The following TAFA2 variants were observed in gnomAD, a reference collection of about 807,000 sequenced individuals.
The protein encoded by TAFA2 is TAFA chemokine like family member 2.
In TAFA2, 7 loss-of-function variants were observed where a neutral mutation model predicts 18.8. The ratio of observed to expected loss-of-function variants is 0.37; its 90% CI spans 0.21 to 0.70. TAFA2 has a LOEUF of 0.70. Among genes scored for constraint, TAFA2 ranks in the 30% least tolerant of loss-of-function variants. The pLI, the probability that TAFA2 is intolerant of heterozygous loss-of-function variation, is 0.53. For synonymous variants in TAFA2, 60 were observed against 54.2 expected (o/e 1.11, Z -0.47); for missense variants, 122 against 158.1 (o/e 0.77, Z 1.23).
chr12:62,184,910 A>G (rs1481269785), intron 1 of TAFA2, among the ~76,000 whole-genome samples: 1 of 152,138 alleles, frequency 6.6e-6, no homozygotes, highest in African/African-American at 2.4e-5. Flanking sequence ...ATGGTTATTT[A>G]TTGTTAGAGC....
chr12:61,843,724 A>G (rs1873286237), intron 2 of TAFA2, among the ~76,000 whole-genome samples: 1 of 152,150 alleles, frequency 6.6e-6, no homozygotes. Flanking sequence ...ATTCATATAT[A>G]CACACATAAA....
intron 1 of TAFA2, among the ~76,000 whole-genome samples, chr12:62,211,171 A>C (rs2062711561): frequency 6.6e-6 from 1 of 152,252 alleles, no homozygotes; most frequent in South Asian, 2.1e-4. Flanking sequence ...TAAAATAAAA[A>C]TGATGATACC....
chr12:61,830,987 G>C (rs1444357925), intron 2 of TAFA2, among the ~76,000 whole-genome samples: 3 of 151,780 alleles, frequency 2.0e-5, no homozygotes, highest in Admixed American at 1.3e-4. Context: ...ATTTTTTCTA[G>C]ATTTTACTTT....
At chr12:61,910,864 T>C (rs1565678234) in intron 1 of TAFA2, among the ~76,000 whole-genome samples, 2 of 152,224 alleles carry the variant, frequency 1.3e-5, no homozygotes, top group African/African-American at 2.4e-5. Flanking sequence ...CCGAACCATC[T>C]GTGTTTCTTC....
chr12:62,109,016 G>T (rs1869598110), intron 1 of TAFA2, among the ~76,000 whole-genome samples: 1 of 152,138 alleles, frequency 6.6e-6, no homozygotes, highest in Admixed American at 6.5e-5. Flanking sequence ...GGCTTTTGTT[G>T]CCATTGCTTT....
intron 4 of TAFA2, among the ~76,000 whole-genome samples, chr12:61,751,746 C>T (rs1199667755): frequency 6.6e-6 from 1 of 152,004 alleles, no homozygotes; most frequent in Non-Finnish European, 1.5e-5. Context: ...TTCTCAGTCT[C>T]TCATCCACCT....
intron 1 of TAFA2, among the ~76,000 whole-genome samples, chr12:61,964,686 AT>A (rs959482868): frequency 6.6e-6 from 1 of 151,814 alleles, no homozygotes; most frequent in African/African-American, 2.4e-5. Context: ...TTAAATCAAT[AT>A]TTAAAGAGCT....
intron 1 of TAFA2, among the ~76,000 whole-genome samples, chr12:61,941,361 A>T (rs1217217608): frequency 6.6e-6 from 1 of 152,240 alleles, no homozygotes; most frequent in Non-Finnish European, 1.5e-5. Flanking sequence ...ATTAGCTCAC[A>T]TAACTTTATT....
chr12:62,043,626 T>TA (rs903308712), intron 1 of TAFA2, among the ~76,000 whole-genome samples: 5 of 151,806 alleles, frequency 3.3e-5, no homozygotes, highest in Admixed American at 6.6e-5. Flanking sequence ...TAATAAAATT[T>TA]AAAAAAAAGA....
At chr12:61,793,316 A>T (rs1228865481) in intron 2 of TAFA2, among the ~76,000 whole-genome samples, 1 of 151,550 alleles carries the variant, frequency 6.6e-6, no homozygotes. Context: ...TAAAACCAAA[A>T]TATGATTCTT....
chr12:62,113,311 G>A (rs1287120759), intron 1 of TAFA2, among the ~76,000 whole-genome samples: 1 of 152,188 alleles, frequency 6.6e-6, no homozygotes, highest in Non-Finnish European at 1.5e-5. Context: ...ATCACCAGCA[G>A]AAGCTGCAGA....
chr12:61,739,585 C>A (rs1868365950), intron 4 of TAFA2, among the ~76,000 whole-genome samples: 1 of 151,984 alleles, frequency 6.6e-6, no homozygotes, highest in Admixed American at 6.6e-5. Flanking sequence ...TACGTAGGTA[C>A]AACGTGAATT....
At chr12:61,735,465 A>G (rs1427289412) in intron 4 of TAFA2, among the ~76,000 whole-genome samples, 1 of 152,074 alleles carries the variant, frequency 6.6e-6, no homozygotes, top group Non-Finnish European at 1.5e-5. Flanking sequence ...TATATACATT[A>G]CATAAAGATC....
At chr12:61,878,398 A>G (rs1158475989) in intron 1 of TAFA2, among the ~76,000 whole-genome samples, 1 of 152,226 alleles carries the variant, frequency 6.6e-6, no homozygotes, top group Admixed American at 6.5e-5. Flanking sequence ...GCTCTACCAT[A>G]TAACCTACAT....
intron 1 of TAFA2, among the ~76,000 whole-genome samples, chr12:62,033,993 G>C (rs944399279): frequency 1.3e-5 from 2 of 152,162 alleles, no homozygotes; most frequent in African/African-American, 4.8e-5. Context: ...ATTTCATGTG[G>C]TTCAATCTAA....
Position 62,127,284 on chromosome 12 carries a change from G to A in TAFA2, c.-2+63975C>T, listed in dbSNP as rs114764843. Among the ~76,000 whole-genome samples, 528 of 152,044 alleles carry A rather than the reference G, an allele frequency of 3.5e-3. 3 individuals are homozygous for A. The highest frequency in any genetic ancestry group is 0.012 in the African/African-American group (515 of 41,510). ...CAGAAGGAAGATTGCACCTTCCGAA[G>A]AATGATTCAATTGCACCCCACCCAC... On this transcript the variant is annotated intron_variant, in intron 1 of 4. Coordinates refer to ENST00000416284, the MANE Select transcript of TAFA2 (RefSeq NM_178539.5).
At chr12:61,785,704 A>G (rs959512135) in intron 2 of TAFA2, among the ~76,000 whole-genome samples, 3 of 151,502 alleles carry the variant, frequency 2.0e-5, no homozygotes, top group African/African-American at 7.3e-5. Context: ...TGACTCCTAC[A>G]TGTTGAATCT....
chr12:61,964,105 CTAAAACCA>C (rs1878987998), intron 1 of TAFA2, among the ~76,000 whole-genome samples: 1 of 151,886 alleles, frequency 6.6e-6, no homozygotes, highest in Non-Finnish European at 1.5e-5. Flanking sequence ...AACGTAAGAC[CTAAAACCA>C]TAAAACCCCT....
intron 1 of TAFA2, among the ~76,000 whole-genome samples, chr12:61,945,192 CAA>C (rs1484931915): frequency 4.9e-4 from 58 of 119,472 alleles, no homozygotes; most frequent in African/African-American, 2.2e-3. Context: ...TAAACAGAGC[CAA>C]AGACAAAAAC....
Sources: allele counts gnomAD v4.1 joint callset (sites outside exome capture counted in the v4.1 genomes callset), GRCh38; gene constraint gnomAD v4.1.1; transcripts MANE v1.5; gene names NCBI Gene and HGNC (gene_info 2026-07-23, HGNC 2026-07-21).